PEX5L: variants seen among roughly 807,000 people sequenced by gnomAD.
PEX5L encodes the protein PEX5-related protein.
Under a neutral mutation model 84.0 loss-of-function variants are expected in PEX5L, and 30 were observed. That is an observed-to-expected ratio of 0.36 (90% CI 0.27 to 0.48). PEX5L has a LOEUF of 0.48. Ranked by LOEUF, PEX5L falls within the 20% of genes least tolerant of loss-of-function variation. The pLI, the probability that PEX5L is intolerant of heterozygous loss-of-function variation, is 0.99. For missense variants in PEX5L, 533 were observed against 754.6 expected, an observed-to-expected ratio of 0.71 and a Z score of 3.44; for synonymous variants, 270 against 283.1, an observed-to-expected ratio of 0.95 and a Z score of 0.46.
At chr3:180,036,215 T>G (rs1043203472) in intron 1 of PEX5L, among the ~76,000 whole-genome samples, 1 of 152,262 alleles carries the variant, frequency 6.6e-6, no homozygotes, top group Admixed American at 6.5e-5. Context: ...GTCTTTCCTA[T>G]TATTGTTTGC....
intron 8 of PEX5L, among the ~76,000 whole-genome samples, chr3:179,839,927 T>C (rs1736412386): frequency 6.6e-6 from 1 of 152,166 alleles, no homozygotes. Flanking sequence ...AGGTAACTTC[T>C]GAGCTGATAC....
At chr3:179,916,585 T>G (rs552592084) in intron 2 of PEX5L, among the ~76,000 whole-genome samples, 2 of 152,238 alleles carry the variant, frequency 1.3e-5, no homozygotes, top group East Asian at 3.9e-4. Context: ...TGCACTAAAT[T>G]TATACAAAAA....
At chr3:179,887,901 C>A in intron 3 of PEX5L, 117 bp from the exon 4 acceptor site, 1 of 731,856 alleles carries the variant, frequency 1.4e-6, no homozygotes, top group East Asian at 2.6e-5. Flanking sequence ...TAAATAAATA[C>A]ATAAATAAAT....
At chr3:180,012,442 AT>A (rs1168583295) in intron 1 of PEX5L, among the ~76,000 whole-genome samples, 5 of 152,260 alleles carry the variant, frequency 3.3e-5, no homozygotes, top group African/African-American at 1.2e-4. Flanking sequence ...ATGATAACAG[AT>A]TTTATTTTTT....
rs544631039 is a variant in PEX5L, at chr3:179,813,904, C to G, written c.1083+1957G>C. Among the ~76,000 whole-genome samples the G allele has an allele frequency of 6.0e-5, 9 of 151,122 alleles. No individual in the cohort carries two copies. In the South Asian group the frequency reaches 1.7e-3, roughly 28 times the overall value. On this transcript the variant is annotated intron_variant, in intron 10 of 14. Coordinates refer to ENST00000467460, the MANE Select transcript of PEX5L (RefSeq NM_016559.3). ...TGTTAGCCAGGATGGTCTCGATCTC[C>G]TGACCTCATGATCCACCCGCCTCGG...
chr3:179,900,621 G>T, intron 2 of PEX5L: 1 of 1,235,320 alleles, frequency 8.1e-7, no homozygotes, highest in Non-Finnish European at 1.1e-6. Context: ...TAGAAAGGAT[G>T]TACAATAAAT....
At chr3:179,826,005 C>T (rs1403528097) in intron 8 of PEX5L, among the ~76,000 whole-genome samples, 1 of 152,102 alleles carries the variant, frequency 6.6e-6, no homozygotes, top group Non-Finnish European at 1.5e-5. Context: ...TTTCTAGTGA[C>T]GGAGTCAGCC....
intron 2 of PEX5L, among the ~76,000 whole-genome samples, chr3:179,907,002 T>C (rs956028093): frequency 6.6e-6 from 1 of 151,500 alleles, no homozygotes; most frequent in Non-Finnish European, 1.5e-5. Flanking sequence ...AAAGAGGTCT[T>C]GAGGCCTGGT....
chr3:179,906,412 T>C (rs1348391492), intron 2 of PEX5L, among the ~76,000 whole-genome samples: 1 of 152,206 alleles, frequency 6.6e-6, no homozygotes. Flanking sequence ...TGAGCATCTC[T>C]ATTATACACC....
chr3:179,988,419 T>TAAATAAAA (rs1276669710), intron 1 of PEX5L, among the ~76,000 whole-genome samples: 3 of 146,938 alleles, frequency 2.0e-5, no homozygotes, highest in South Asian at 2.1e-4. Flanking sequence ...AATAAATAAA[T>TAAATAAAA]AAAATAAAAA....
rs534864653 is a variant in PEX5L, at chr3:179,936,148, G to A, written c.93+35446C>T. On this transcript the variant is annotated intron_variant, in intron 2 of 14. Coordinates refer to ENST00000467460, the MANE Select transcript of PEX5L (RefSeq NM_016559.3). Reference sequence around the variant, plus strand: ...GTATGTTGTATGTGTGTTTCTGTCGGTGTGGGTAAGAAGGAGATGGGGATA... The same window carrying A: ...GTATGTTGTATGTGTGTTTCTGTCGATGTGGGTAAGAAGGAGATGGGGATA... Among the ~76,000 whole-genome samples the A allele has an allele frequency of 4.6e-5, 7 of 152,318 alleles. No homozygotes were observed. The South Asian group carries it at 1.2e-3, about 27-fold the overall frequency.
In PEX5L at chr3:179,936,420, A is replaced by G. The variant is rs138449182; in HGVS notation, c.93+35174T>C. Among the ~76,000 whole-genome samples, 1,219 of 152,352 alleles carry G rather than the reference A, an allele frequency of 8.0e-3. 19 individuals carry two copies. The highest frequency in any genetic ancestry group is 0.028 in the African/African-American group (1,158 of 41,578). ...CTATCTCTTGGATTCTTAGAAAATAAAGTGAGTTAATAAACCCAGTAAAAT... is the reference window on the plus strand; with the variant it reads ...CTATCTCTTGGATTCTTAGAAAATAGAGTGAGTTAATAAACCCAGTAAAAT... On this transcript the variant is annotated intron_variant, in intron 2 of 14. Coordinates refer to ENST00000467460, the MANE Select transcript of PEX5L (RefSeq NM_016559.3).
At chr3:179,943,820 C>T (rs1039877279) in intron 2 of PEX5L, among the ~76,000 whole-genome samples, 5 of 152,338 alleles carry the variant, frequency 3.3e-5, no homozygotes, top group Middle Eastern at 6.8e-3. Context: ...CTTAATTCTA[C>T]CAATTGTGCT....
intron 1 of PEX5L, among the ~76,000 whole-genome samples, chr3:179,979,950 C>T (rs2110324463): frequency 6.6e-6 from 1 of 152,260 alleles, no homozygotes; most frequent in South Asian, 2.1e-4. Context: ...CTGCCACTGA[C>T]TTCCTTTTAA....
chr3:179,819,805 T>TA (rs1727716949), intron 9 of PEX5L, 55 bp downstream of exon 9: 1 of 1,464,454 alleles, frequency 6.8e-7, no homozygotes, highest in South Asian at 1.2e-5. Flanking sequence ...CTATAAAATA[T>TA]GATCCAAAAA....
Position 179,809,145 on chromosome 3 carries a change from C to T in PEX5L, c.1352+326G>A, listed in dbSNP as rs73174439. ...GACGAGACTTTCATTTTCCCCATTCCTAATTCTCAGGCTGGATAAAACTTG... is the reference window on the plus strand; with the variant it reads ...GACGAGACTTTCATTTTCCCCATTCTTAATTCTCAGGCTGGATAAAACTTG... On this transcript the variant is annotated intron_variant, in intron 12 of 14. Transcript: ENST00000467460. Among the ~76,000 whole-genome samples the T allele has an allele frequency of 6.7e-3, 995 of 148,694 alleles. 5 individuals are homozygous for T. The highest frequency in any genetic ancestry group is 0.011 in the Non-Finnish European group (747 of 67,216).
At position 179,799,094 on chromosome 3, in the gene PEX5L, A is replaced by G. The variant is rs1718083957; in HGVS notation, c.*2734T>C. 6.6e-6 allele frequency: 1 copy of G among 151,946 alleles called. No individual in the cohort carries two copies. Among genetic ancestry groups the G allele is most frequent in the Non-Finnish European group, 1.5e-5 (1 of 68,030 alleles). The allele number at this position is 151,946 out of a possible 1,614,324, so 9.4% of individuals were successfully genotyped here. On this transcript the variant is annotated 3_prime_UTR_variant, in exon 15 of 15. Coordinates refer to ENST00000467460, the MANE Select transcript of PEX5L (RefSeq NM_016559.3). ...ACCACTACACCCGGCTAATTTTTGT[A>G]TTCTTAATAAAGACGGGGTTTCACC...
intron 1 of PEX5L, among the ~76,000 whole-genome samples, chr3:179,982,218 C>T (rs926596226): frequency 3.9e-5 from 6 of 152,128 alleles, no homozygotes; most frequent in East Asian, 1.9e-4. Flanking sequence ...CAATGTTATC[C>T]GCTTACTCAA....
chr3:179,846,779 C>T (rs535277498), intron 8 of PEX5L, among the ~76,000 whole-genome samples: 1 of 152,242 alleles, frequency 6.6e-6, no homozygotes, highest in African/African-American at 2.4e-5. Flanking sequence ...CAGACTTGGT[C>T]TTACACCATC....
Sources: allele counts gnomAD v4.1 joint callset (sites outside exome capture counted in the v4.1 genomes callset), GRCh38; gene constraint gnomAD v4.1.1; transcripts MANE v1.5; gene names NCBI Gene and HGNC (gene_info 2026-07-23, HGNC 2026-07-21).